Variants in PCDHA10 observed in about 807,000 individuals in gnomAD.
The protein encoded by PCDHA10 is protocadherin alpha-10.
Under a neutral mutation model 61.2 loss-of-function variants are expected in PCDHA10, and 45 were observed. The observed-to-expected ratio is 0.74, with a 90% CI of 0.58 to 0.94. The LOEUF (loss-of-function observed/expected upper bound fraction) is 0.94, where lower values mean the gene tolerates loss of function less well. Ranked by LOEUF, PCDHA10 falls within the 40% of genes least tolerant of loss-of-function variation. PCDHA10 has a pLI of 0.00. For missense variants in PCDHA10, 1,278 were observed against 1,236.2 expected, an observed-to-expected ratio of 1.03 and a Z score of -0.51; for synonymous variants, 602 against 548.8, an observed-to-expected ratio of 1.10 and a Z score of -1.35.
intron 3 of PCDHA10, among the ~76,000 whole-genome samples, chr5:141,005,306 C>T (rs1563689503): frequency 6.6e-6 from 1 of 152,158 alleles, no homozygotes; most frequent in Non-Finnish European, 1.5e-5. Context: ...CTTTGTGAAT[C>T]TTACAGTGGT....
At chr5:140,952,058 T>C (rs889374877) in intron 1 of PCDHA10, among the ~76,000 whole-genome samples, 1 of 152,096 alleles carries the variant, frequency 6.6e-6, no homozygotes, top group African/African-American at 2.4e-5. Flanking sequence ...ATCTTAAAGC[T>C]CCAAATAATC....
intron 1 of PCDHA10, chr5:140,882,209 A>G (rs781846726): frequency 5.2e-6 from 8 of 1,531,724 alleles, no homozygotes; most frequent in Non-Finnish European, 7.0e-6. Context: ...GCCTTGAGAG[A>G]CAGTTTGAGG....
chr5:140,947,543 G>A (rs1013985097), intron 1 of PCDHA10, among the ~76,000 whole-genome samples: 1 of 151,548 alleles, frequency 6.6e-6, no homozygotes, highest in African/African-American at 2.4e-5. Context: ...TTTCTACAAA[G>A]AATTCCGCTG....
chr5:140,902,191 C>G (rs1218204978), intron 1 of PCDHA10, among the ~76,000 whole-genome samples: 1 of 147,360 alleles, frequency 6.8e-6, no homozygotes, highest in Non-Finnish European at 1.5e-5. Context: ...TGTCTTCTCT[C>G]TCTCTCTCTT....
At chr5:140,873,454 T>C (rs1251903132) in intron 1 of PCDHA10, among the ~76,000 whole-genome samples, 1 of 152,170 alleles carries the variant, frequency 6.6e-6, no homozygotes, top group African/African-American at 2.4e-5. Context: ...CAAATTTGCA[T>C]TTTAGATAAT....
At chr5:141,007,891 T>G (rs2098350311) in intron 3 of PCDHA10, among the ~76,000 whole-genome samples, 1 of 152,232 alleles carries the variant, frequency 6.6e-6, no homozygotes, top group Admixed American at 6.5e-5. Flanking sequence ...CTTTAAAAAT[T>G]TATTGTTCTT....
At chr5:140,929,113 A>G (rs1554206696) in intron 1 of PCDHA10, 5 of 1,614,154 alleles carry the variant, frequency 3.1e-6, no homozygotes, top group East Asian at 2.2e-5. Flanking sequence ...GACATCAGCC[A>G]CCATAGATGT....
chr5:140,966,724 C>G (rs1357964806), intron 1 of PCDHA10: 25 of 1,396,170 alleles, frequency 1.8e-5, no homozygotes, highest in Non-Finnish European at 2.3e-5. Context: ...GGGAAGCTGC[C>G]GCCTCCGGCC....
rs1195729562 is a variant in PCDHA10, at chr5:140,897,783, G to A, written c.2388+39347G>A. 1.3e-3 allele frequency among the ~76,000 whole-genome samples: 204 copies of A among 152,264 alleles called. 1 individual carries two copies. The highest frequency in any genetic ancestry group is 0.011 in the South Asian group (52 of 4,820). ...CGCCACACTGACTTCCACAATGGTTGAACTAGTTTAGAGTCCCACCAACAG... is the reference window on the plus strand; with the variant it reads ...CGCCACACTGACTTCCACAATGGTTAAACTAGTTTAGAGTCCCACCAACAG... On this transcript the variant is annotated intron_variant, in intron 1 of 3. Transcript: ENST00000307360.
chr5:140,882,480 A>T, intron 1 of PCDHA10: 1 of 1,614,020 alleles, frequency 6.2e-7, no homozygotes, highest in Non-Finnish European at 8.5e-7. Flanking sequence ...TCCAAAAGAC[A>T]CGGGGACCTT....
At chr5:140,982,816 G>A (rs970352633) in intron 3 of PCDHA10, among the ~76,000 whole-genome samples, 9 of 151,630 alleles carry the variant, frequency 5.9e-5, no homozygotes, top group Non-Finnish European at 1.0e-4. Flanking sequence ...TGTGTATGAA[G>A]TTTTTGGGGT....
chr5:140,902,703 T>C (rs1451324920), intron 1 of PCDHA10, among the ~76,000 whole-genome samples: 1 of 152,166 alleles, frequency 6.6e-6, no homozygotes, highest in African/African-American at 2.4e-5. Flanking sequence ...GTCTTTTATC[T>C]TTCACTCCCC....
chr5:140,858,616 T>G (rs1562539811), intron 1 of PCDHA10, 180 bp downstream of exon 1: 1 of 1,182,404 alleles, frequency 8.5e-7, no homozygotes, highest in Non-Finnish European at 1.2e-6. Context: ...TTTTTTATCC[T>G]ACCCAGTGTG....
chr5:140,862,382 G>T, intron 1 of PCDHA10: 1 of 345,046 alleles, frequency 2.9e-6, no homozygotes, highest in South Asian at 2.3e-5. Flanking sequence ...GACTCCTCAC[G>T]TCTCTTCAAG....
At chr5:141,009,205 A>G (rs1325707221) in intron 3 of PCDHA10, among the ~76,000 whole-genome samples, 8 of 152,192 alleles carry the variant, frequency 5.3e-5, no homozygotes, top group Non-Finnish European at 1.2e-4. Flanking sequence ...CTATGATTCC[A>G]ACACTTTGGG....
rs782023286 is a variant in PCDHA10 at position 140,856,399 on chromosome 5, T to C, written c.351T>C (p.His117=). The change falls in exon 1 of 4, where the codon CAT becomes CAC. Residue 117 remains histidine, a synonymous_variant. Transcript: ENST00000307360. ...VIVDRPLQVF[H]VDVEVKDIND... is the part of the protein sequence containing the mutation. Reference sequence around the variant, plus strand: ...TGGACAGGCCGCTGCAGGTTTTCCATGTGGACGTGGAAGTGAAGGACATTA... The same window carrying C: ...TGGACAGGCCGCTGCAGGTTTTCCACGTGGACGTGGAAGTGAAGGACATTA... 6.3e-7 allele frequency: 1 copy of C among 1,598,492 alleles called. No individual in the cohort carries two copies. Among genetic ancestry groups the C allele is most frequent in the Non-Finnish European group, 8.6e-7 (1 of 1,167,942 alleles).
Position 140,978,781 on chromosome 5 carries a change from A to C in PCDHA10, c.2389-168A>C, listed in dbSNP as rs4461687. ...GACCCTGATGAACTAATTTTCTTCT[A>C]AAGTGCTATATATGTAGATATCATC... On this transcript the variant is annotated intron_variant, in intron 1 of 3. Coordinates refer to ENST00000307360, the MANE Select transcript of PCDHA10 (RefSeq NM_018901.4). 2,731 of 969,880 alleles carry C rather than the reference A, an allele frequency of 2.8e-3. 24 individuals carry two copies. The East Asian group carries it at 0.042, about 15-fold the overall frequency. The allele number at this position is 969,880 out of a possible 1,614,324, so 60.1% of individuals were successfully genotyped here.
At chr5:140,927,525 T>C in intron 1 of PCDHA10, 1 of 1,614,088 alleles carries the variant, frequency 6.2e-7, no homozygotes, top group Non-Finnish European at 8.5e-7. Context: ...GCGGGCTACC[T>C]GCCCGCTCAG....
chr5:141,002,973 G>A (rs1313247449), intron 3 of PCDHA10, among the ~76,000 whole-genome samples: 2 of 152,216 alleles, frequency 1.3e-5, no homozygotes, highest in African/African-American at 2.4e-5. Flanking sequence ...CCTGAAAATA[G>A]TATCCTTGGT....
Sources: gnomAD v4.1 joint callset for allele counts (sites outside exome capture counted in the v4.1 genomes callset) on GRCh38, gnomAD v4.1.1 for gene constraint, MANE v1.5 for transcripts, NCBI Gene and HGNC (gene_info 2026-07-23, HGNC 2026-07-21) for gene names.